The following CCBE1 variants were observed in gnomAD, a reference collection of about 807,000 sequenced individuals.
The protein encoded by CCBE1 is collagen and calcium-binding EGF domain-containing protein 1.
In CCBE1, 37 loss-of-function variants were observed where a neutral mutation model predicts 50.0. The ratio of observed to expected loss-of-function variants is 0.74; its 90% CI spans 0.57 to 0.97. CCBE1 has a LOEUF of 0.97. Among genes scored for constraint, CCBE1 ranks in the 50% least tolerant of loss-of-function variants. The pLI is 0.00. For missense variants in CCBE1, 538 were observed against 523.8 expected (o/e 1.03, Z -0.26); for synonymous variants, 234 against 203.7 (o/e 1.15, Z -1.27).
chr18:59,683,826 GGT>G (rs2054622942), intron 2 of CCBE1, among the ~76,000 whole-genome samples: 2 of 151,966 alleles, frequency 1.3e-5, no homozygotes, highest in African/African-American at 4.8e-5. Context: ...TGCAAGCTGG[GGT>G]GTCCCTGCTG....
rs1477758001 is a variant in CCBE1, at chr18:59,433,975, C to A, written c.*1933G>T. 6.8e-6 allele frequency: 1 copy of A among 147,534 alleles called. No individual in the cohort carries two copies. The highest frequency in any genetic ancestry group is 1.5e-5 in the Non-Finnish European group (1 of 67,340). The allele number at this position is 147,534 out of a possible 1,614,324, so 9.1% of individuals were successfully genotyped here. On this transcript the variant is annotated 3_prime_UTR_variant, in exon 11 of 11. Transcript: ENST00000439986. ...GGAGTGCAGTAGCGCAATCTAGGCT[C>A]CCCCCGCAGGTTAAAGTAATTCTCC... is the stretch of plus-strand genomic sequence containing the variant.
intron 2 of CCBE1, among the ~76,000 whole-genome samples, chr18:59,608,987 C>G (rs185805008): frequency 1.2e-4 from 19 of 152,322 alleles, no homozygotes; most frequent in Admixed American, 1.0e-3. Flanking sequence ...CACCAGTGTG[C>G]TCTGTGATGG....
intron 2 of CCBE1, among the ~76,000 whole-genome samples, chr18:59,485,182 T>C (rs929704994): frequency 2.0e-5 from 3 of 152,180 alleles, no homozygotes; most frequent in Non-Finnish European, 2.9e-5. Flanking sequence ...GGTTGTTACA[T>C]AGAAAGGGTG....
At chr18:59,453,231 G>A (rs1911024291) in intron 6 of CCBE1, among the ~76,000 whole-genome samples, 1 of 152,170 alleles carries the variant, frequency 6.6e-6, no homozygotes, top group Non-Finnish European at 1.5e-5. Context: ...GCCTTGAGAG[G>A]TACATCTGGA....
intron 2 of CCBE1, among the ~76,000 whole-genome samples, chr18:59,651,556 G>A (rs1301434679): frequency 2.0e-5 from 3 of 152,228 alleles, no homozygotes; most frequent in Non-Finnish European, 4.4e-5. Flanking sequence ...CAAAGAATGT[G>A]TTAGCTATGG....
At chr18:59,590,426 G>A (rs2053246111) in intron 2 of CCBE1, among the ~76,000 whole-genome samples, 1 of 152,074 alleles carries the variant, frequency 6.6e-6, no homozygotes, top group Admixed American at 6.5e-5. Flanking sequence ...AGATGACTCA[G>A]TAAGGATCAG....
chr18:59,573,798 T>G (rs1252452925), intron 2 of CCBE1, among the ~76,000 whole-genome samples: 3 of 152,204 alleles, frequency 2.0e-5, no homozygotes, highest in Non-Finnish European at 4.4e-5. Context: ...CTACAGAACT[T>G]AACCTATGCT....
chr18:59,435,773 G>C lies in CCBE1; in HGVS notation c.*135C>G. ...TAGCATCGTATTTGGAAGAAGAGGA[G>C]TGGAGAGACGTCAGGAGAAGAGAAG... is the stretch of plus-strand genomic sequence containing the variant. On this transcript the variant is annotated 3_prime_UTR_variant, in exon 11 of 11. Coordinates refer to ENST00000439986, the MANE Select transcript of CCBE1 (RefSeq NM_133459.4). 2 of 825,004 alleles carry C rather than the reference G, an allele frequency of 2.4e-6. No homozygotes were observed. Among genetic ancestry groups the C allele is most frequent in the Admixed American group, 1.8e-5 (1 of 56,968 alleles). The allele number at this position is 825,004 out of a possible 1,614,324, so 51.1% of individuals were successfully genotyped here. A position where few individuals can be genotyped will look rare whatever the true frequency, so the allele number is the denominator to read the frequency against.
At position 59,693,864 on chromosome 18, in the gene CCBE1, C is replaced by CTTTTTTTTTTTT. The variant is rs11410421; in HGVS notation, c.212+2753_212+2764dup. On this transcript the variant is annotated intron_variant, in intron 2 of 10. Coordinates refer to ENST00000439986, the MANE Select transcript of CCBE1 (RefSeq NM_133459.4). ...AGAATATTTCTTGTTAAAGGAAAGC[C>CTTTTTTTTTTTT]TTTTTTTTTTTTTTTTTTTTTTTTT... Among the ~76,000 whole-genome samples the CTTTTTTTTTTTT allele has an allele frequency of 2.0e-3, 142 of 70,768 alleles. 9 individuals carry two copies. The highest frequency in any genetic ancestry group is 2.0e-3 in the Non-Finnish European group (86 of 42,822). The allele number at this position is 70,768 out of a possible 152,430, so 46.4% of individuals were successfully genotyped here.
At chr18:59,642,802 A>G (rs1240710948) in intron 2 of CCBE1, among the ~76,000 whole-genome samples, 1 of 151,982 alleles carries the variant, frequency 6.6e-6, no homozygotes, top group Non-Finnish European at 1.5e-5. Context: ...ACAAAAAATT[A>G]GCCAGGCGTG....
intron 2 of CCBE1, among the ~76,000 whole-genome samples, chr18:59,544,696 G>A (rs1323532787): frequency 1.3e-5 from 2 of 152,120 alleles, no homozygotes; most frequent in Non-Finnish European, 2.9e-5. Context: ...TGGGAAAATG[G>A]ATGACAAAGA....
At chr18:59,630,653 T>C (rs1166663450) in intron 2 of CCBE1, among the ~76,000 whole-genome samples, 1 of 152,202 alleles carries the variant, frequency 6.6e-6, no homozygotes, top group Non-Finnish European at 1.5e-5. Context: ...AACACGTAAG[T>C]GTGACCTCTC....
At chr18:59,696,378 T>C in intron 2 of CCBE1, 4 of 935,980 alleles carry the variant, frequency 4.3e-6, no homozygotes, top group Non-Finnish European at 6.0e-6. Flanking sequence ...ACACAAGTAT[T>C]TCAGGGAGCG....
intron 2 of CCBE1, among the ~76,000 whole-genome samples, chr18:59,625,154 G>A (rs1808578): frequency 0.12 from 18,553 of 152,210 alleles, 1,231 homozygotes; most frequent in Middle Eastern, 0.18. Flanking sequence ...GCCATAGGCC[G>A]GGCGTGGTGG....
At chr18:59,539,603 AATAG>A (rs1915391467) in intron 2 of CCBE1, among the ~76,000 whole-genome samples, 1 of 152,256 alleles carries the variant, frequency 6.6e-6, no homozygotes, top group Non-Finnish European at 1.5e-5. Context: ...GTTATGCAGC[AATAG>A]ATAACTAACA....
intron 2 of CCBE1, among the ~76,000 whole-genome samples, chr18:59,523,984 C>T (rs1244219840): frequency 6.6e-6 from 1 of 152,110 alleles, no homozygotes; most frequent in Non-Finnish European, 1.5e-5. Context: ...AACAATAGTC[C>T]AGCTCCTTTA....
chr18:59,469,124 A>G (rs984153603), intron 4 of CCBE1, among the ~76,000 whole-genome samples: 1 of 152,000 alleles, frequency 6.6e-6, no homozygotes, highest in African/African-American at 2.4e-5. Flanking sequence ...TTCCCCAACC[A>G]TCTTCTAAGA....
intron 2 of CCBE1, among the ~76,000 whole-genome samples, chr18:59,617,723 T>C (rs2053655539): frequency 6.6e-6 from 1 of 152,182 alleles, no homozygotes; most frequent in African/African-American, 2.4e-5. Context: ...TGTAGGCTTG[T>C]AAAGCATCTG....
intron 5 of CCBE1, among the ~76,000 whole-genome samples, chr18:59,455,390 C>T (rs1005610977): frequency 6.6e-6 from 1 of 152,136 alleles, no homozygotes; most frequent in Non-Finnish European, 1.5e-5. Flanking sequence ...TCTGCTAATC[C>T]AGTTCTTCAA....
Sources: allele counts gnomAD v4.1 joint callset (sites outside exome capture counted in the v4.1 genomes callset), GRCh38; gene constraint gnomAD v4.1.1; transcripts MANE v1.5; gene names NCBI Gene and HGNC (gene_info 2026-07-23, HGNC 2026-07-21).